The following ZFHX3 variants were observed in gnomAD, a reference collection of about 807,000 sequenced individuals.
The protein encoded by ZFHX3 is zinc finger homeobox protein 3.
ZFHX3 carries 42 observed loss-of-function variants against 279.1 expected under a neutral mutation model. The ratio of observed to expected loss-of-function variants is 0.15; its 90% CI spans 0.12 to 0.19. The LOEUF is 0.19. Ranked by LOEUF, ZFHX3 falls within the 10% of genes least tolerant of loss-of-function variation. The pLI is 1.00. For missense variants in ZFHX3, 4,981 were observed against 4,754.0 expected (o/e 1.05, Z -1.40); for synonymous variants, 2,293 against 1,957.8 (o/e 1.17, Z -4.52).
chr16:73,063,037 G>A (rs1712837424), upstream of ZFHX3, among the ~76,000 whole-genome samples: 1 of 152,208 alleles, frequency 6.6e-6, no homozygotes, highest in African/African-American at 2.4e-5. Context: ...CAGCGCTCCG[G>A]GCCAGCCGGC....
At chr16:73,750,846 C>T (rs2053756217) in intron 1 of ZFHX3, among the ~76,000 whole-genome samples, 1 of 151,940 alleles carries the variant, frequency 6.6e-6, no homozygotes, top group African/African-American at 2.4e-5. Flanking sequence ...AAAAGAAAAA[C>T]AAATCAAAGG....
rs769841511 is a variant in ZFHX3, at chr16:72,787,526, C to G, written c.10750G>C (p.Ala3584Pro). The change falls in exon 10 of 10, where the codon GCA (alanine) becomes CCA (proline). Residue 3584 changes from alanine to proline, a missense_variant. By Grantham distance (27) the Ala-to-Pro change is conservative. This residue lies in a region of ZFHX3 where 1,034 missense variants were observed against 786.0 expected (regional missense o/e 1.32). Coordinates refer to ENST00000268489, the MANE Select transcript of ZFHX3 (RefSeq NM_006885.4). ...TGAGCGGCAGACTGCGAGGTAGATG[C>G]GGTGCTAGGATCGGGGAAGCAGGCA... is the stretch of plus-strand genomic sequence containing the variant. ...HSACFPDPST[A>P]STSQSAAHSN... The G allele has an allele frequency of 6.2e-7, 1 of 1,613,882 alleles. No homozygotes were observed. Among genetic ancestry groups the G allele is most frequent in the East Asian group, 2.2e-5 (1 of 44,854 alleles).
chr16:73,749,365 C>T (rs571096944), intron 1 of ZFHX3, among the ~76,000 whole-genome samples: 9 of 152,210 alleles, frequency 5.9e-5, no homozygotes, highest in Non-Finnish European at 1.3e-4. Flanking sequence ...ACCACCACTT[C>T]CAGGTAGGAA....
intron 4 of ZFHX3, among the ~76,000 whole-genome samples, chr16:73,288,886 C>T (rs1015532895): frequency 2.0e-5 from 3 of 151,178 alleles, no homozygotes; most frequent in African/African-American, 7.3e-5. Flanking sequence ...CGGAGAGCGG[C>T]TCCGCGACCC....
chr16:73,817,704 T>C (rs1960614213), intron 1 of ZFHX3, among the ~76,000 whole-genome samples: 2 of 152,212 alleles, frequency 1.3e-5, no homozygotes, highest in African/African-American at 2.4e-5. Flanking sequence ...GCAGCATTCC[T>C]GTTGCAGAGT....
At chr16:72,941,897 G>C (rs926413904) in intron 3 of ZFHX3, among the ~76,000 whole-genome samples, 1 of 152,036 alleles carries the variant, frequency 6.6e-6, no homozygotes, top group Non-Finnish European at 1.5e-5. Flanking sequence ...TTTCTGTTAA[G>C]TATTAAATAT....
chr16:73,718,874 A>C (rs1402982970), intron 1 of ZFHX3, among the ~76,000 whole-genome samples: 2 of 152,088 alleles, frequency 1.3e-5, no homozygotes, highest in Non-Finnish European at 2.9e-5. Flanking sequence ...TCGACCTCCC[A>C]AAGTGCTGGG....
At chr16:72,892,430 A>G (rs1452733598) in intron 3 of ZFHX3, among the ~76,000 whole-genome samples, 2 of 152,226 alleles carry the variant, frequency 1.3e-5, no homozygotes, top group African/African-American at 4.8e-5. Context: ...GTTACCTATT[A>G]GAAAAATTAC....
At chr16:72,881,719 G>A (rs2038476980) in intron 4 of ZFHX3, among the ~76,000 whole-genome samples, 1 of 152,172 alleles carries the variant, frequency 6.6e-6, no homozygotes, top group Non-Finnish European at 1.5e-5. Context: ...ACACATGGCA[G>A]GAGACAGCAG....
chr16:73,049,958 A>G (rs553680830), upstream of ZFHX3, among the ~76,000 whole-genome samples: 8 of 152,340 alleles, frequency 5.3e-5, no homozygotes, highest in Non-Finnish European at 1.2e-4. Flanking sequence ...GCAGGACCGC[A>G]AGCAACGTGG....
intron 2 of ZFHX3, among the ~76,000 whole-genome samples, chr16:73,514,408 G>A (rs896055139): frequency 3.3e-5 from 5 of 152,076 alleles, no homozygotes; most frequent in Non-Finnish European, 5.9e-5. Flanking sequence ...CCAACACTAT[G>A]CTAGGCATTT....
At chr16:73,260,907 C>A (rs1014382699) in intron 4 of ZFHX3, among the ~76,000 whole-genome samples, 20 of 152,118 alleles carry the variant, frequency 1.3e-4, no homozygotes, top group African/African-American at 4.6e-4. Flanking sequence ...TGGTCTCGAA[C>A]TCCTGACCTC....
At chr16:73,714,922 C>G (rs1597078618) in intron 1 of ZFHX3, among the ~76,000 whole-genome samples, 1 of 152,306 alleles carries the variant, frequency 6.6e-6, no homozygotes, top group South Asian at 2.1e-4. Flanking sequence ...AAAGCAACTG[C>G]AAACTATGCT....
chr16:73,530,167 A>G (rs2019773430), intron 2 of ZFHX3, among the ~76,000 whole-genome samples: 1 of 152,170 alleles, frequency 6.6e-6, no homozygotes. Flanking sequence ...GGTGGCAGGC[A>G]AGAGAGAGAA....
chr16:72,932,763 G>T (rs1388958474), intron 3 of ZFHX3, among the ~76,000 whole-genome samples: 1 of 152,066 alleles, frequency 6.6e-6, no homozygotes, highest in Admixed American at 6.5e-5. Flanking sequence ...TCAGTTGTGT[G>T]GTCTAAGAAG....
intron 1 of ZFHX3, among the ~76,000 whole-genome samples, chr16:73,681,695 G>A (rs759567912): frequency 2.6e-5 from 4 of 152,126 alleles, no homozygotes; most frequent in African/African-American, 4.8e-5. Flanking sequence ...CCTGTTCTCC[G>A]GACTTAATAT....
At chr16:73,457,956 G>A (rs1290299827) in intron 2 of ZFHX3, among the ~76,000 whole-genome samples, 7 of 151,974 alleles carry the variant, frequency 4.6e-5, no homozygotes, top group Admixed American at 4.6e-4. Context: ...CTAAATAAGG[G>A]GCACTTAAGC....
chr16:73,056,983 G>A (rs941244200), intron 1 of ZFHX3, among the ~76,000 whole-genome samples: 2 of 152,108 alleles, frequency 1.3e-5, no homozygotes, highest in African/African-American at 2.4e-5. Flanking sequence ...TCTGTAATTT[G>A]CATTACAGCC....
intron 5 of ZFHX3, among the ~76,000 whole-genome samples, chr16:73,225,576 C>G (rs1381193284): frequency 6.6e-6 from 1 of 151,860 alleles, no homozygotes; most frequent in Non-Finnish European, 1.5e-5. Context: ...GGTGATGGAG[C>G]AAGACCCTGT....
Sources: gnomAD v4.1 joint callset for allele counts (sites outside exome capture counted in the v4.1 genomes callset) on GRCh38, gnomAD v4.1.1 for gene constraint, gnomAD v4.1.1 regional missense constraint, MANE v1.5 for transcripts, NCBI Gene and HGNC (gene_info 2026-07-23, HGNC 2026-07-21) for gene names.